Variants in LRFN5 observed in about 807,000 individuals in gnomAD.
LRFN5 encodes the protein leucine rich repeat and fibronectin type III domain containing 5, also known as leucine-rich repeat and fibronectin type-III domain-containing protein 5.
LRFN5 carries 24 observed loss-of-function variants against 45.6 expected under a neutral mutation model. That is an observed-to-expected ratio of 0.53 (90% CI 0.38 to 0.74). The LOEUF (loss-of-function observed/expected upper bound fraction) is 0.74, where lower values mean the gene tolerates loss of function less well. Ranked by LOEUF, LRFN5 falls within the 30% of genes least tolerant of loss-of-function variation. LRFN5 has a pLI of 0.00. For missense variants in LRFN5, 776 were observed against 861.5 expected (o/e 0.90, Z 1.24); for synonymous variants, 340 against 313.8 (o/e 1.08, Z -0.88).
At chr14:41,672,969 C>T (rs923369224) in intron 1 of LRFN5, among the ~76,000 whole-genome samples, 8 of 99,148 alleles carry the variant, frequency 8.1e-5, no homozygotes, top group African/African-American at 3.2e-4. Context: ...TATTTTTCTA[C>T]ACCATGCTTA....
At chr14:41,648,495 T>A (rs902308180) in intron 1 of LRFN5, among the ~76,000 whole-genome samples, 2 of 152,150 alleles carry the variant, frequency 1.3e-5, no homozygotes, top group African/African-American at 4.8e-5. Context: ...AAATTGGCAG[T>A]TGCCAATTGA....
intron 2 of LRFN5, among the ~76,000 whole-genome samples, chr14:41,865,118 T>C (rs985315138): frequency 6.6e-6 from 1 of 152,250 alleles, no homozygotes; most frequent in Admixed American, 6.5e-5. Flanking sequence ...ATTAAAGCTG[T>C]GCAATCTAGT....
chr14:41,666,151 A>T (rs1407751351), intron 1 of LRFN5, among the ~76,000 whole-genome samples: 1 of 152,050 alleles, frequency 6.6e-6, no homozygotes, highest in Non-Finnish European at 1.5e-5. Context: ...AGTTTTAAAA[A>T]TTATCTTATC....
chr14:41,652,100 C>T (rs763738047), intron 1 of LRFN5, among the ~76,000 whole-genome samples: 19 of 151,996 alleles, frequency 1.3e-4, no homozygotes, highest in Non-Finnish European at 1.8e-4. Context: ...GAGGGGAGCA[C>T]AAACAAATTG....
intron 2 of LRFN5, among the ~76,000 whole-genome samples, chr14:41,855,328 A>G (rs2139084626): frequency 6.6e-6 from 1 of 152,266 alleles, no homozygotes; most frequent in Admixed American, 6.5e-5. Context: ...GAGACAGGGG[A>G]GGGTTTTAGC....
At chr14:41,758,970 G>T (rs146745036) in intron 1 of LRFN5, among the ~76,000 whole-genome samples, 2 of 152,038 alleles carry the variant, frequency 1.3e-5, no homozygotes, top group East Asian at 1.9e-4. Flanking sequence ...GTAATTTGTT[G>T]TATGTAGGTG....
intron 2 of LRFN5, among the ~76,000 whole-genome samples, chr14:41,775,153 C>A (rs977867639): frequency 3.0e-5 from 4 of 132,036 alleles, no homozygotes; most frequent in African/African-American, 1.2e-4. Flanking sequence ...TGCAGTGGCG[C>A]GATCTCGGCT....
chr14:41,709,690 A>G (rs188786913), intron 1 of LRFN5, among the ~76,000 whole-genome samples: 19 of 152,114 alleles, frequency 1.2e-4, no homozygotes, highest in Admixed American at 3.9e-4. Flanking sequence ...ATCTTCCTGG[A>G]ATTTTATTTT....
intron 3 of LRFN5, 75 bp from the exon 4 acceptor site, chr14:41,891,175 C>A: frequency 1.8e-6 from 2 of 1,133,478 alleles, no homozygotes; most frequent in Non-Finnish European, 2.6e-6. Context: ...TGACACTGAA[C>A]TAAAGTCATA....
In LRFN5 at chr14:41,904,259, A is replaced by T; in HGVS notation, c.*84A>T. 6.7e-7 allele frequency: 1 copy of T among 1,492,120 alleles called. No individual in the cohort carries two copies. The highest frequency in any genetic ancestry group is 1.1e-5 in the South Asian group (1 of 88,102). 92.4% of individuals were successfully genotyped at this position (1,492,120 alleles called of 1,614,324 possible). On this transcript the variant is annotated 3_prime_UTR_variant, in exon 6 of 6. Transcript: ENST00000298119. ...AAAATTCAAAAATGTTTCAATTCAC[A>T]AAGGCTAATTGTTGAACTGGTGTCG...
intron 2 of LRFN5, among the ~76,000 whole-genome samples, chr14:41,788,815 A>C (rs1177375778): frequency 6.6e-6 from 1 of 152,156 alleles, no homozygotes; most frequent in South Asian, 2.1e-4. Flanking sequence ...ATTCAAGTAC[A>C]ACTTTTTCAG....
chr14:41,898,924 G>A lies in LRFN5; in HGVS notation c.2106G>A (p.Leu702=). The A allele has an allele frequency of 6.2e-7, 1 of 1,609,946 alleles. No individual in the cohort carries two copies. Among genetic ancestry groups the A allele is most frequent in the Non-Finnish European group, 8.5e-7 (1 of 1,178,398 alleles). Residue 702 remains leucine (L), a synonymous_variant, in exon 5 of 6, where the codon TTG becomes TTA. Transcript: ENST00000298119. ...TGAACATTTTATTCCCAGATGCTTTGCTGACTAATGTTGACCAGATTGTCC... is the reference window on the plus strand; with the variant it reads ...TGAACATTTTATTCCCAGATGCTTTACTGACTAATGTTGACCAGATTGTCC... ...SKRAHIKPNA[L]LTNVDQIVQE... is the part of the protein sequence containing the mutation.
chr14:41,612,178 T>C (rs1389228599), intron 1 of LRFN5, among the ~76,000 whole-genome samples: 1 of 152,170 alleles, frequency 6.6e-6, no homozygotes, highest in Non-Finnish European at 1.5e-5. Flanking sequence ...TGCTGTGATA[T>C]ATGGTTGGGA....
chr14:41,655,938 T>C (rs1880359912), intron 1 of LRFN5, among the ~76,000 whole-genome samples: 1 of 152,022 alleles, frequency 6.6e-6, no homozygotes, highest in Non-Finnish European at 1.5e-5. Flanking sequence ...AATATTAGCA[T>C]TTAATATTTT....
chr14:41,720,974 G>A (rs1883690415), intron 1 of LRFN5, among the ~76,000 whole-genome samples: 1 of 152,096 alleles, frequency 6.6e-6, no homozygotes, highest in South Asian at 2.1e-4. Flanking sequence ...AATGTTGTCA[G>A]TAGGGTGTTG....
chr14:41,853,170 A>ATAT (rs1439591147), intron 2 of LRFN5, among the ~76,000 whole-genome samples: 4 of 151,950 alleles, frequency 2.6e-5, no homozygotes, highest in Non-Finnish European at 5.9e-5. Context: ...TATTTTCGAA[A>ATAT]TTTAGAATCC....
At chr14:41,851,590 A>G (rs1279332660) in intron 2 of LRFN5, among the ~76,000 whole-genome samples, 1 of 151,820 alleles carries the variant, frequency 6.6e-6, no homozygotes, top group East Asian at 1.9e-4. Flanking sequence ...ACATCTGTTC[A>G]GTGTGGAAAC....
intron 1 of LRFN5, among the ~76,000 whole-genome samples, chr14:41,653,532 G>C (rs1880231387): frequency 6.6e-6 from 1 of 152,142 alleles, no homozygotes. Flanking sequence ...ATGGAAACAA[G>C]GTGATTGTGA....
At position 41,651,768 on chromosome 14, in the gene LRFN5, G is replaced by A. The variant is rs577897641; in HGVS notation, c.-197+43206G>A. On this transcript the variant is annotated intron_variant, in intron 1 of 5. Coordinates refer to ENST00000298119, the MANE Select transcript of LRFN5 (RefSeq NM_152447.5). ...AGCTATTTTCATTTGCCAGAGCTAC[G>A]AAGCTTATTTGCAAAGACTAGATGG... Among the ~76,000 whole-genome samples the A allele has an allele frequency of 7.2e-5, 11 of 152,240 alleles. No homozygotes were observed. In the South Asian group the frequency reaches 2.1e-3, roughly 29 times the overall value.
Sources: gnomAD v4.1 joint callset for allele counts (sites outside exome capture counted in the v4.1 genomes callset) on GRCh38, gnomAD v4.1.1 for gene constraint, MANE v1.5 for transcripts, NCBI Gene and HGNC (gene_info 2026-07-23, HGNC 2026-07-21) for gene names.